CLPB: variants seen among roughly 807,000 people sequenced by gnomAD.
CLPB encodes the protein ClpB family mitochondrial disaggregase, also known as mitochondrial disaggregase.
In CLPB, 40 loss-of-function variants were observed where a neutral mutation model predicts 78.4. The observed-to-expected ratio is 0.51, with a 90% CI of 0.40 to 0.66. The LOEUF (loss-of-function observed/expected upper bound fraction) is 0.66, where lower values mean the gene tolerates loss of function less well. CLPB is among the 30% of genes least tolerant of loss of function. The probability of loss-of-function intolerance (pLI) is 0.00; values close to 1 mark genes in which losing one functional copy is unlikely to be tolerated. For missense variants in CLPB, 780 were observed against 886.9 expected (o/e 0.88, Z 1.53); for synonymous variants, 333 against 348.0 (o/e 0.96, Z 0.48).
chr11:72,382,696 A>G (rs1230257433), intron 3 of CLPB, among the ~76,000 whole-genome samples: 1 of 152,214 alleles, frequency 6.6e-6, no homozygotes, highest in Non-Finnish European at 1.5e-5. Flanking sequence ...GAATCTCTGG[A>G]CAGGCTGAAT....
chr11:72,331,570 GTTTT>G (rs71062765), intron 5 of CLPB, among the ~76,000 whole-genome samples: 3 of 49,374 alleles, frequency 6.1e-5, no homozygotes, highest in African/African-American at 8.3e-5. Context: ...TTTCTTTTCT[GTTTT>G]TTTTTTTTTT....
chr11:72,348,523 TTCTC>T (rs1274558215), intron 5 of CLPB, among the ~76,000 whole-genome samples: 3 of 152,154 alleles, frequency 2.0e-5, no homozygotes, highest in East Asian at 1.9e-4. Flanking sequence ...GCTTCCTTCC[TTCTC>T]TCTCTTTGTT....
At chr11:72,398,877 G>A (rs1855484951) in intron 3 of CLPB, among the ~76,000 whole-genome samples, 1 of 152,206 alleles carries the variant, frequency 6.6e-6, no homozygotes, top group Non-Finnish European at 1.5e-5. Flanking sequence ...TGGCAGCACG[G>A]CTACTGAAGA....
At position 72,329,783 on chromosome 11, in the gene CLPB, T is replaced by C. The variant is rs1213090155; in HGVS notation, c.797A>G (p.Asn266Ser). Reference protein sequence around the residue: ...LDGGANPLQRNEMGHTPLDYA... With the variant: ...LDGGANPLQRSEMGHTPLDYA... ...ATCCAAGGGTGTGTGTCCCATTTCA[T>C]TCCTCTGCAGGGGGTTGGCTCCTGG... is the stretch of plus-strand genomic sequence containing the variant. The change falls in exon 6 of 16, where the codon AAT becomes AGT. Residue 266 changes from asparagine to serine, a missense_variant. Around this residue, in one of 3 missense-constraint regions of CLPB, gnomAD observed 417 missense variants for 414.7 expected, o/e 1.01. Transcript: ENST00000538039. 1.2e-6 allele frequency: 2 copies of C among 1,613,554 alleles called. No individual in the cohort carries two copies. The highest frequency in any genetic ancestry group is 8.5e-7 in the Non-Finnish European group (1 of 1,179,738).
intron 6 of CLPB, among the ~76,000 whole-genome samples, chr11:72,324,735 A>T (rs1950102123): frequency 6.6e-6 from 1 of 152,114 alleles, no homozygotes; most frequent in Non-Finnish European, 1.5e-5. Context: ...CAAAGCAGAG[A>T]ATGGGTTGAG....
chr11:72,399,685 CTCTT>C (rs1424044044), intron 3 of CLPB, among the ~76,000 whole-genome samples: 4 of 152,198 alleles, frequency 2.6e-5, no homozygotes, highest in Admixed American at 2.0e-4. Context: ...GAGGATCTCT[CTCTT>C]GAGCTTGTGG....
At position 72,434,513 on chromosome 11, in the gene CLPB, T is replaced by A; in HGVS notation, c.-39A>T. The A allele has an allele frequency of 1.6e-5, 24 of 1,512,144 alleles. No individual in the cohort carries two copies. The highest frequency in any genetic ancestry group is 2.1e-5 in the Non-Finnish European group (24 of 1,130,406). 93.7% of individuals were successfully genotyped at this position (1,512,144 alleles called of 1,614,324 possible). A position where few individuals can be genotyped will look rare whatever the true frequency, so the allele number is the denominator to read the frequency against. Reference sequence around the variant, plus strand: ...TCGATAACCCCGTGGTGCCGGCCCCTGTGCTGACCACGTCCAACATGGCTG... The same window carrying A: ...TCGATAACCCCGTGGTGCCGGCCCCAGTGCTGACCACGTCCAACATGGCTG... On this transcript the variant is annotated 5_prime_UTR_variant, in exon 1 of 16. Transcript: ENST00000538039.
At chr11:72,309,041 G>C (rs988412949) in intron 7 of CLPB, among the ~76,000 whole-genome samples, 7 of 152,214 alleles carry the variant, frequency 4.6e-5, no homozygotes, top group Non-Finnish European at 8.8e-5. Flanking sequence ...GGCCCTTGGG[G>C]ATGTGGGGTG....
Position 72,302,234 on chromosome 11 carries a change from G to T in CLPB, c.1167+70C>A. 4 of 1,504,164 alleles carry T rather than the reference G, an allele frequency of 2.7e-6. No homozygotes were observed. The South Asian group carries it at 4.5e-5, about 17-fold the overall frequency. 93.2% of individuals were successfully genotyped at this position (1,504,164 alleles called of 1,614,324 possible). On this transcript the variant is annotated intron_variant, in intron 10 of 15. Transcript: ENST00000538039. ...TGCTGGAATTATCTGAGGCCCAAAT[G>T]ACAAGACCCCGGCAGTCATGCTGAC...
intron 5 of CLPB, among the ~76,000 whole-genome samples, chr11:72,332,320 TAAA>T (rs551043381): frequency 2.7e-5 from 3 of 112,116 alleles, no homozygotes; most frequent in African/African-American, 3.3e-5. Context: ...CCATCTCTAC[TAAA>T]AAAAAAAAAA....
At chr11:72,326,096 C>G (rs1328433657) in intron 6 of CLPB, among the ~76,000 whole-genome samples, 12 of 152,296 alleles carry the variant, frequency 7.9e-5, no homozygotes, top group Middle Eastern at 6.8e-3. Flanking sequence ...GTAACAAGAA[C>G]TACTTCACAG....
chr11:72,308,141 T>A (rs1286248621), intron 8 of CLPB, among the ~76,000 whole-genome samples: 1 of 152,206 alleles, frequency 6.6e-6, no homozygotes, highest in African/African-American at 2.4e-5. Flanking sequence ...GGGGCCTTCT[T>A]TAGCATTTAC....
chr11:72,360,713 A>T (rs1950823006), intron 4 of CLPB, among the ~76,000 whole-genome samples: 1 of 152,206 alleles, frequency 6.6e-6, no homozygotes, highest in African/African-American at 2.4e-5. Flanking sequence ...CTGGGATTAC[A>T]GGCGTGAGCC....
At chr11:72,308,965 C>A (rs1016289999) in intron 7 of CLPB, among the ~76,000 whole-genome samples, 4 of 152,170 alleles carry the variant, frequency 2.6e-5, no homozygotes, top group Non-Finnish European at 5.9e-5. Context: ...GGTTACTCAT[C>A]TACTCATCGC....
At chr11:72,408,734 G>A (rs1855787298) in intron 2 of CLPB, among the ~76,000 whole-genome samples, 1 of 149,648 alleles carries the variant, frequency 6.7e-6, no homozygotes, top group South Asian at 2.1e-4. Flanking sequence ...AACTCTGAAA[G>A]AGCTGGGTAG....
chr11:72,303,084 GA>G (rs1218327418), intron 9 of CLPB: 1 of 152,252 alleles, frequency 6.6e-6, no homozygotes, highest in Non-Finnish European at 1.5e-5. Flanking sequence ...TATGTGATCT[GA>G]AGAGTTAACA....
At chr11:72,388,194 G>C (rs970105818) in intron 3 of CLPB, among the ~76,000 whole-genome samples, 4 of 151,962 alleles carry the variant, frequency 2.6e-5, no homozygotes, top group African/African-American at 7.3e-5. Flanking sequence ...AGGCCAAAGA[G>C]GGTAAGCATC....
intron 7 of CLPB, among the ~76,000 whole-genome samples, chr11:72,313,625 G>A (rs1264772918): frequency 1.3e-5 from 2 of 152,188 alleles, no homozygotes; most frequent in Non-Finnish European, 2.9e-5. Context: ...CAGGGAACGA[G>A]CCCTGAATCC....
chr11:72,383,530 C>CAAA lies in CLPB; in HGVS notation c.543-3149_543-3147dup, dbSNP rs1232432851. On this transcript the variant is annotated intron_variant, in intron 3 of 15. Coordinates refer to ENST00000538039, the MANE Select transcript of CLPB (RefSeq NM_001258392.3). Reference sequence around the variant, plus strand: ...TGGGCGACAGAGCAAGACTCTGTCTCAAAAAAAAAAAAAAAAAATTAAAGA... The same window carrying CAAA: ...TGGGCGACAGAGCAAGACTCTGTCTCAAAAAAAAAAAAAAAAAAAAATTAAAGA... 7.8e-4 allele frequency among the ~76,000 whole-genome samples: 51 copies of CAAA among 65,318 alleles called. 1 individual carries two copies. The highest frequency in any genetic ancestry group is 2.6e-3 in the African/African-American group (48 of 18,682). 42.9% of individuals were successfully genotyped at this position (65,318 alleles called of 152,430 possible).
Sources: allele counts gnomAD v4.1 joint callset (sites outside exome capture counted in the v4.1 genomes callset), GRCh38; gene constraint gnomAD v4.1.1; regional missense constraint gnomAD v4.1.1; transcripts MANE v1.5; gene names NCBI Gene and HGNC (gene_info 2026-07-23, HGNC 2026-07-21).